The following RORA variants were observed in gnomAD, a reference collection of about 807,000 sequenced individuals.
RORA encodes the protein nuclear receptor ROR-alpha.
RORA carries 7 observed loss-of-function variants against 69.5 expected under a neutral mutation model. That is an observed-to-expected ratio of 0.10 (90% CI 0.06 to 0.19). RORA has a LOEUF of 0.19. RORA is among the 10% of genes least tolerant of loss of function. RORA has a pLI of 1.00. For missense variants in RORA, 457 were observed against 663.0 expected (o/e 0.69, Z 3.41); for synonymous variants, 261 against 240.8 (o/e 1.08, Z -0.78).
At chr15:60,653,379 T>C (rs568928995) in intron 2 of RORA, among the ~76,000 whole-genome samples, 1 of 152,062 alleles carries the variant, frequency 6.6e-6, no homozygotes, top group South Asian at 2.1e-4. Context: ...TACAAACCAG[T>C]GTCTTCTGTT....
intron 1 of RORA, among the ~76,000 whole-genome samples, chr15:60,999,946 G>C (rs897031780): frequency 1.3e-5 from 2 of 152,028 alleles, no homozygotes; most frequent in South Asian, 4.1e-4. Context: ...AAATTAATCT[G>C]CCCCTTTCCC....
chr15:61,076,987 G>A (rs374389776), intron 1 of RORA, among the ~76,000 whole-genome samples: 50 of 151,668 alleles, frequency 3.3e-4, no homozygotes, highest in Non-Finnish European at 6.5e-4. Context: ...CAAGTGGGCC[G>A]TTGACTGTGA....
intron 1 of RORA, among the ~76,000 whole-genome samples, chr15:61,025,694 C>G (rs1895773841): frequency 6.6e-6 from 1 of 152,070 alleles, no homozygotes. Context: ...AAATCTGGTC[C>G]AGTGTAAATC....
At position 60,938,058 on chromosome 15, in the gene RORA, T is replaced by A. The variant is rs1314535395; in HGVS notation, c.167-259372A>T. Among the ~76,000 whole-genome samples, 6 of 152,202 alleles carry A rather than the reference T, an allele frequency of 3.9e-5. No homozygotes were observed. The East Asian group carries it at 1.2e-3, about 29-fold the overall frequency. ...AGCAGAAGTAGAATTTGAACCTAGG[T>A]TTTTAGGTTCAAGATAGGTTTTTCC... On this transcript the variant is annotated intron_variant, in intron 1 of 10. Transcript: ENST00000335670.
intron 1 of RORA, among the ~76,000 whole-genome samples, chr15:61,150,379 T>C (rs890109227): frequency 2.0e-5 from 3 of 152,038 alleles, no homozygotes; most frequent in African/African-American, 7.3e-5. Flanking sequence ...TGCACACACA[T>C]GAACATTCAC....
intron 1 of RORA, among the ~76,000 whole-genome samples, chr15:60,878,060 G>A (rs547429079): frequency 9.6e-4 from 146 of 151,802 alleles, no homozygotes; most frequent in African/African-American, 3.5e-3. Context: ...GGCCAGGTGC[G>A]GTGGCTCACA....
chr15:61,219,917 G>A (rs899426054), intron 1 of RORA, among the ~76,000 whole-genome samples: 2 of 152,182 alleles, frequency 1.3e-5, no homozygotes, highest in Admixed American at 1.3e-4. Context: ...AGCCCTTTCA[G>A]TGTAGCTTCA....
intron 1 of RORA, among the ~76,000 whole-genome samples, chr15:60,950,057 A>G (rs1466668345): frequency 3.3e-5 from 5 of 151,854 alleles, no homozygotes; most frequent in Admixed American, 2.0e-4. Flanking sequence ...GGTTACCCTC[A>G]AAGGGAAGCC....
At chr15:60,827,369 G>C (rs893976535) in intron 1 of RORA, among the ~76,000 whole-genome samples, 1 of 152,220 alleles carries the variant, frequency 6.6e-6, no homozygotes, top group Non-Finnish European at 1.5e-5. Context: ...CTTTAGGGCT[G>C]CTAAGAAAAT....
chr15:61,193,902 G>A (rs1404102424), intron 1 of RORA: 1 of 152,176 alleles, frequency 6.6e-6, no homozygotes, highest in Admixed American at 6.5e-5. Context: ...CGTAGGAAGG[G>A]TTGTTGCTCT....
chr15:60,743,177 G>A (rs2071599761), intron 1 of RORA, among the ~76,000 whole-genome samples: 1 of 151,816 alleles, frequency 6.6e-6, no homozygotes, highest in South Asian at 2.1e-4. Flanking sequence ...ACCATGCCCG[G>A]CTAATTTTTG....
chr15:60,674,930 A>C (rs1278278988), intron 2 of RORA, among the ~76,000 whole-genome samples: 1 of 152,158 alleles, frequency 6.6e-6, no homozygotes, highest in African/African-American at 2.4e-5. Flanking sequence ...TGAGAACAGA[A>C]GGAAGCAGCA....
intron 2 of RORA, among the ~76,000 whole-genome samples, chr15:60,589,341 C>T (rs551702790): frequency 6.6e-6 from 1 of 152,344 alleles, no homozygotes; most frequent in South Asian, 2.1e-4. Flanking sequence ...GACGAAGAAT[C>T]TACGGGCCAG....
At chr15:61,060,184 T>C (rs1254540691) in intron 1 of RORA, among the ~76,000 whole-genome samples, 3 of 152,194 alleles carry the variant, frequency 2.0e-5, no homozygotes. Context: ...AATGAATAGA[T>C]TGTAAACTAA....
intron 2 of RORA, among the ~76,000 whole-genome samples, chr15:60,554,094 C>T (rs1208739757): frequency 6.6e-6 from 1 of 152,140 alleles, no homozygotes; most frequent in Non-Finnish European, 1.5e-5. Flanking sequence ...TTTTTCCTCT[C>T]TAACACTGAG....
At chr15:60,516,207 ATT>A (rs1567052518) in intron 3 of RORA, among the ~76,000 whole-genome samples, 394 of 31,432 alleles carry the variant, frequency 0.013, 17 homozygotes, top group African/African-American at 0.086. Flanking sequence ...TTATATATAT[ATT>A]TATATATATA....
intron 3 of RORA, among the ~76,000 whole-genome samples, chr15:60,515,973 T>TTATATATA (rs1160436999): frequency 6.0e-5 from 1 of 16,768 alleles, no homozygotes; most frequent in Non-Finnish European, 1.1e-4. Context: ...TTATATATAT[T>TTATATATA]TATATATTTA....
chr15:60,775,175 G>A (rs2072143349), intron 1 of RORA, among the ~76,000 whole-genome samples: 1 of 152,106 alleles, frequency 6.6e-6, no homozygotes, highest in African/African-American at 2.4e-5. Flanking sequence ...AGCACTAGTA[G>A]TAACGTGACT....
intron 1 of RORA, among the ~76,000 whole-genome samples, chr15:60,911,203 G>A (rs182865072): frequency 6.6e-6 from 1 of 150,400 alleles, no homozygotes; most frequent in Admixed American, 6.6e-5. Context: ...CCAAAGTGCT[G>A]GGATTACAGG....
Sources: allele counts gnomAD v4.1 joint callset (sites outside exome capture counted in the v4.1 genomes callset), GRCh38; gene constraint gnomAD v4.1.1; transcripts MANE v1.5; gene names NCBI Gene and HGNC (gene_info 2026-07-23, HGNC 2026-07-21).